The following CD8A variants were observed in gnomAD, a reference collection of about 807,000 sequenced individuals.
The protein encoded by CD8A is T-cell surface glycoprotein CD8 alpha chain.
CD8A carries 25 observed loss-of-function variants against 24.2 expected under a neutral mutation model. The ratio of observed to expected loss-of-function variants is 1.03; its 90% CI spans 0.75 to 1.44. The LOEUF is 1.44. Among genes scored for constraint, CD8A ranks in the 40% most tolerant of loss-of-function variants. CD8A has a pLI of 0.00. For synonymous variants in CD8A, 165 were observed against 149.9 expected, an observed-to-expected ratio of 1.10 and a Z score of -0.74; for missense variants, 360 against 319.7, an observed-to-expected ratio of 1.13 and a Z score of -0.96.
chr2:86,785,542 G>A lies in CD8A; in HGVS notation c.*378C>T. On this transcript the variant is annotated 3_prime_UTR_variant, in exon 6 of 6. Coordinates refer to ENST00000283635, the MANE Select transcript of CD8A (RefSeq NM_001768.7). ...CAACCCTGACTTGCTGTGTGCCTTT[G>A]ATCAAGCTGTCTCTGGGCTTTAGCC... 4.2e-6 allele frequency: 2 copies of A among 480,414 alleles called. No homozygotes were observed. Among genetic ancestry groups the A allele is most frequent in the South Asian group, 3.1e-5 (2 of 64,700 alleles). The allele number at this position is 480,414 out of a possible 1,614,324, so 29.8% of individuals were successfully genotyped here.
upstream of CD8A, among the ~76,000 whole-genome samples, chr2:86,794,826 C>T (rs984827496): frequency 2.6e-5 from 4 of 152,180 alleles, no homozygotes; most frequent in Non-Finnish European, 5.9e-5. Flanking sequence ...TGTCTGTCAC[C>T]TTCTTCACTC....
At chr2:86,787,898 A>AGAGAGAGAGAGAGTGTGTGTGTGT (rs369993109) in intron 5 of CD8A, among the ~76,000 whole-genome samples, 2 of 144,490 alleles carry the variant, frequency 1.4e-5, no homozygotes, top group African/African-American at 5.1e-5. Flanking sequence ...AGAGAGAGAG[A>AGAGAGAGAGAGAGTGTGTGTGTGT]GTGTGTGTGT....
upstream of CD8A, among the ~76,000 whole-genome samples, chr2:86,794,635 T>C (rs34492196): frequency 0.12 from 18,763 of 152,238 alleles, 1,308 homozygotes; most frequent in Non-Finnish European, 0.17. Context: ...TCCTGGACTT[T>C]TGCAATGGCC....
chr2:86,808,202 G>C (rs1673989629), exon 1 of CD8A: 1 of 152,520 alleles, frequency 6.6e-6, no homozygotes, highest in Non-Finnish European at 1.5e-5. Context: ...TCCTGAGGGG[G>C]TCAGGGCCTG....
upstream of CD8A, chr2:86,790,968 C>T (rs1178561802): frequency 4.8e-6 from 4 of 824,768 alleles, no homozygotes; most frequent in South Asian, 4.3e-5. Context: ...GTGATGTCAC[C>T]CGAAGCCCCC....
chr2:86,798,528 C>CT (rs34242639), intron 3 of CD8A, among the ~76,000 whole-genome samples: 19,790 of 143,702 alleles, frequency 0.14, 1,408 homozygotes, highest in Non-Finnish European at 0.17. Context: ...TTTCCTTTTT[C>CT]TTTTTTTTTT....
upstream of CD8A, among the ~76,000 whole-genome samples, chr2:86,795,316 G>T (rs1673445782): frequency 6.6e-6 from 1 of 152,152 alleles, no homozygotes; most frequent in African/African-American, 2.4e-5. Context: ...AAGTAAGAGT[G>T]GTCAGGAAAG....
At chr2:86,802,424 A>G (rs766124822) in intron 2 of CD8A, among the ~76,000 whole-genome samples, 2 of 152,220 alleles carry the variant, frequency 1.3e-5, no homozygotes, top group Non-Finnish European at 2.9e-5. Context: ...AATAGTCGCA[A>G]TGATGACATA....
upstream of CD8A, among the ~76,000 whole-genome samples, chr2:86,795,194 G>A (rs1278798493): frequency 2.6e-5 from 4 of 152,136 alleles, no homozygotes; most frequent in East Asian, 1.9e-4. Context: ...CCAAACAGAG[G>A]GCTTGGCACA....
Position 86,799,623 on chromosome 2 carries a change from G to T in CD8A, c.-271+1888C>A, listed in dbSNP as rs183991238. ...TACAAAAAATTAGCCGGGCACGGTG[G>T]CGGGCGCCTGTAGTCCCAGCGACTC... On this transcript the variant is annotated intron_variant, in intron 3 of 8. Transcript: ENST00000409511. 3.3e-5 allele frequency among the ~76,000 whole-genome samples: 5 copies of T among 152,296 alleles called. No individual in the cohort carries two copies. In the East Asian group the frequency reaches 9.7e-4, roughly 29 times the overall value.
intron 4 of CD8A, 108 bp downstream of exon 4, chr2:86,789,215 C>T (rs908728729): frequency 6.3e-6 from 5 of 791,348 alleles, no homozygotes; most frequent in African/African-American, 5.1e-5. Flanking sequence ...TCGGGAGTCC[C>T]AGAAAACTCA....
chr2:86,798,993 G>A (rs1673574979), intron 3 of CD8A, among the ~76,000 whole-genome samples: 1 of 152,146 alleles, frequency 6.6e-6, no homozygotes. Context: ...GTGTCTTTGA[G>A]CTATGTTGAT....
In CD8A at chr2:86,785,548, GCTGT is replaced by G. The variant is rs1672962215; in HGVS notation, c.*368_*371del. The G allele has an allele frequency of 2.1e-6, 1 of 485,300 alleles. No individual in the cohort carries two copies. The highest frequency in any genetic ancestry group is 2.3e-5 in the Admixed American group (1 of 43,430). 30.1% of individuals were successfully genotyped at this position (485,300 alleles called of 1,614,324 possible). On this transcript the variant is annotated 3_prime_UTR_variant, in exon 6 of 6. Coordinates refer to ENST00000283635, the MANE Select transcript of CD8A (RefSeq NM_001768.7). ...TGACTTGCTGTGTGCCTTTGATCAA[GCTGT>G]CTCTGGGCTTTAGCCTCCCCCTTTG...
chr2:86,795,247 G>A (rs1489193663), upstream of CD8A, among the ~76,000 whole-genome samples: 1 of 152,206 alleles, frequency 6.6e-6, no homozygotes, highest in Non-Finnish European at 1.5e-5. Context: ...CTCAGTAAAA[G>A]CTAAAGGAAG....
chr2:86,805,949 TTC>T (rs949626209), intron 2 of CD8A, among the ~76,000 whole-genome samples: 1 of 152,158 alleles, frequency 6.6e-6, no homozygotes, highest in African/African-American at 2.4e-5. Flanking sequence ...CTCTTTCTTT[TTC>T]TTTTTCTCTT....
intron 3 of CD8A, among the ~76,000 whole-genome samples, chr2:86,798,899 C>A (rs1362837088): frequency 6.6e-6 from 1 of 152,096 alleles, no homozygotes; most frequent in Non-Finnish European, 1.5e-5. Context: ...GATATGTATA[C>A]ATGTATATGT....
chr2:86,800,445 GA>G (rs753432338), intron 3 of CD8A, among the ~76,000 whole-genome samples: 136 of 80,628 alleles, frequency 1.7e-3, no homozygotes, highest in East Asian at 0.014. Context: ...CTGGGCGACA[GA>G]AAAAAAAAAA....
At chr2:86,790,240 G>A (rs1673218139) in intron 2 of CD8A, 88 bp downstream of exon 2, 1 of 961,460 alleles carries the variant, frequency 1.0e-6, no homozygotes, top group South Asian at 1.3e-5. Flanking sequence ...TGCGCTAAGA[G>A]GCTTGAAAGC....
intron 5 of CD8A, 23 bp from the exon 6 acceptor site, chr2:86,785,994 T>C: frequency 1.2e-6 from 2 of 1,608,872 alleles, no homozygotes; most frequent in Non-Finnish European, 1.7e-6. Flanking sequence ...AAAGCGACCA[T>C]CATTGTAGCC....
Sources: allele counts gnomAD v4.1 joint callset (sites outside exome capture counted in the v4.1 genomes callset), GRCh38; gene constraint gnomAD v4.1.1; transcripts MANE v1.5; gene names NCBI Gene and HGNC (gene_info 2026-07-23, HGNC 2026-07-21).